The following SEC14L2 variants were observed in gnomAD, a reference collection of about 807,000 sequenced individuals.
The protein encoded by SEC14L2 is SEC14 like lipid binding 2.
A neutral mutation model predicts 56.9 loss-of-function variants in SEC14L2; 50 were observed. The ratio of observed to expected loss-of-function variants is 0.88; its 90% CI spans 0.70 to 1.11. The LOEUF (loss-of-function observed/expected upper bound fraction) is 1.11. Ranked by LOEUF, SEC14L2 falls within the 50% of genes most tolerant of loss-of-function variation. The probability of loss-of-function intolerance (pLI) is 0.00; values close to 1 mark genes in which losing one functional copy is unlikely to be tolerated. For synonymous variants in SEC14L2, 179 were observed against 188.5 expected (o/e 0.95, Z 0.41); for missense variants, 414 against 500.7 (o/e 0.83, Z 1.65).
Position 30,409,228 on chromosome 22 carries a change from C to A in SEC14L2, c.465C>A (p.Cys155Ter). ...AGACCATCACCATAATTTATGACTG[C>A]GAGGGGCTTGGCCTCAAGCATCTCT... ...KVETITIIYDCEGLGLKHLWK... is the reference protein window; with the variant it reads ...KVETITIIYD The change falls in exon 6 of 12, where the codon TGC becomes TGA. Residue 155 changes from cysteine (C) to a stop codon, truncating the protein, a stop_gained. Transcript: ENST00000615189. LOFTEE classifies it high-confidence loss of function. 6.2e-7 allele frequency: 1 copy of A among 1,613,260 alleles called. No individual in the cohort carries two copies. Among genetic ancestry groups the A allele is most frequent in the Non-Finnish European group, 8.5e-7 (1 of 1,179,904 alleles).
intron 9 of SEC14L2, 29 bp downstream of exon 9, chr22:30,415,894 C>CAGGG: frequency 6.2e-7 from 1 of 1,614,176 alleles, no homozygotes; most frequent in Non-Finnish European, 8.5e-7. Flanking sequence ...TAGAGGTGAA[C>CAGGG]AGGGATGCCT....
chr22:30,412,837 A>G (rs1431593374), intron 8 of SEC14L2, among the ~76,000 whole-genome samples: 1 of 129,822 alleles, frequency 7.7e-6, no homozygotes, highest in Non-Finnish European at 1.6e-5. Flanking sequence ...AAAAAAAAAC[A>G]AACAAAAAAA....
rs1354300592 is a variant in SEC14L2, at chr22:30,423,946, A to C, written c.*1539A>C. On this transcript the variant is annotated 3_prime_UTR_variant, in exon 12 of 12. Coordinates refer to ENST00000615189, the MANE Select transcript of SEC14L2 (RefSeq NM_012429.5). ...CCGGACCCAGCAGCCGTTTCACGCCAATAGATAGGGCGCATGCGCAGAAAT... is the reference window on the plus strand; with the variant it reads ...CCGGACCCAGCAGCCGTTTCACGCCCATAGATAGGGCGCATGCGCAGAAAT... The C allele has an allele frequency of 6.6e-6, 1 of 152,174 alleles. No individual in the cohort carries two copies. Among genetic ancestry groups the C allele is most frequent in the Non-Finnish European group, 1.5e-5 (1 of 68,064 alleles). 9.4% of individuals were successfully genotyped at this position (152,174 alleles called of 1,614,324 possible).
chr22:30,402,980 C>T (rs985399833), intron 2 of SEC14L2, among the ~76,000 whole-genome samples: 4 of 151,894 alleles, frequency 2.6e-5, no homozygotes, highest in Non-Finnish European at 4.4e-5. Flanking sequence ...CTCGGTAGGC[C>T]GAGGTGGGAA....
chr22:30,405,477 T>C (rs900401365), intron 2 of SEC14L2, among the ~76,000 whole-genome samples: 2 of 152,158 alleles, frequency 1.3e-5, no homozygotes, highest in Non-Finnish European at 2.9e-5. Context: ...TGGGGCATCA[T>C]GCATAAAGAG....
intron 8 of SEC14L2, 67 bp from the exon 9 acceptor site, chr22:30,415,692 T>C (rs778081534): frequency 6.0e-5 from 85 of 1,417,722 alleles, no homozygotes; most frequent in Non-Finnish European, 7.7e-5. Context: ...TGTAGACCAC[T>C]AGGGTTATGG....
At chr22:30,422,120 T>G (rs1373357329) in intron 11 of SEC14L2, among the ~76,000 whole-genome samples, 157 bp from the exon 12 acceptor site, 1 of 152,204 alleles carries the variant, frequency 6.6e-6, no homozygotes, top group Non-Finnish European at 1.5e-5. Flanking sequence ...CCCGCTAGAT[T>G]AAGTTTCAGA....
chr22:30,406,396 T>C lies in SEC14L2; in HGVS notation c.174+11T>C. 6.2e-7 allele frequency: 1 copy of C among 1,613,954 alleles called. No homozygotes were observed. Among genetic ancestry groups the C allele is most frequent in the Non-Finnish European group, 8.5e-7 (1 of 1,179,844 alleles). On this transcript the variant is annotated intron_variant, in intron 3 of 11. Transcript: ENST00000615189. ...GCCATGCTCCGGAAGGTGAGACACA[T>C]TTGGCTGTTGCTTCAGTTCCTCCCC...
At chr22:30,406,608 T>G (rs1293982297) in intron 3 of SEC14L2, among the ~76,000 whole-genome samples, 1 of 152,202 alleles carries the variant, frequency 6.6e-6, no homozygotes, top group African/African-American at 2.4e-5. Context: ...TGCTAAGACC[T>G]CTAAAACAGG....
In SEC14L2 at chr22:30,405,259, G is replaced by A. The variant is rs73390232; in HGVS notation, c.131-1083G>A. ...TAAGGATGGGCAGCACGATGGTAGG[G>A]GAGATGCAGAGTGAAAGCACAGAAT... On this transcript the variant is annotated intron_variant, in intron 2 of 11. Transcript: ENST00000615189. Among the ~76,000 whole-genome samples, 914 of 152,252 alleles carry A rather than the reference G, an allele frequency of 6.0e-3. 9 individuals are homozygous for A. The highest frequency in any genetic ancestry group is 0.02 in the African/African-American group (847 of 41,544).
chr22:30,416,662 G>C, intron 11 of SEC14L2: 2 of 1,428,274 alleles, frequency 1.4e-6, no homozygotes, highest in Non-Finnish European at 1.8e-6. Context: ...GCGATCACAG[G>C]GGTTCAACAC....
intron 5 of SEC14L2, among the ~76,000 whole-genome samples, chr22:30,408,430 A>G (rs1158017266): frequency 6.6e-6 from 1 of 152,128 alleles, no homozygotes; most frequent in East Asian, 1.9e-4. Context: ...TGTCTCTACA[A>G]AAAAAAGTAA....
intron 8 of SEC14L2, among the ~76,000 whole-genome samples, chr22:30,411,473 C>T (rs1182316313): frequency 6.6e-6 from 1 of 151,984 alleles, no homozygotes; most frequent in Admixed American, 6.6e-5. Flanking sequence ...TGGCTGGGCA[C>T]GGTGGCTCAT....
chr22:30,398,702 G>A (rs1038508549), intron 1 of SEC14L2: 2 of 471,456 alleles, frequency 4.2e-6, no homozygotes, highest in African/African-American at 2.0e-5. Context: ...ATGTTTTATA[G>A]GAAGCCGTGT....
intron 11 of SEC14L2, among the ~76,000 whole-genome samples, chr22:30,418,044 A>G (rs1448286491): frequency 6.6e-6 from 1 of 152,120 alleles, no homozygotes; most frequent in Admixed American, 6.5e-5. Context: ...CCCACAGAGG[A>G]GAAAGCACTT....
rs536357558 is a variant in SEC14L2 at position 30,424,236 on chromosome 22, T to C, written c.*1829T>C. The stretch of plus-strand genomic sequence containing the variant: ...TGAGAGGGAGGCGGAGGAGCAGCGA[T>C]CACGTGGTTTTAGGGACTGTCTAAT... On this transcript the variant is annotated 3_prime_UTR_variant, in exon 12 of 12. Coordinates refer to ENST00000615189, the MANE Select transcript of SEC14L2 (RefSeq NM_012429.5). 1.0e-4 allele frequency: 16 copies of C among 157,694 alleles called. No homozygotes were observed. In the South Asian group the frequency reaches 2.3e-3, roughly 23 times the overall value. 9.8% of individuals were successfully genotyped at this position (157,694 alleles called of 1,614,324 possible). A position where few individuals can be genotyped will look rare whatever the true frequency, so the allele number is the denominator to read the frequency against.
At chr22:30,417,000 C>A in intron 11 of SEC14L2, 1 of 315,004 alleles carries the variant, frequency 3.2e-6, no homozygotes, top group Non-Finnish European at 4.6e-6. Context: ...ATTTATCCTA[C>A]AGAAATACAC....
intron 8 of SEC14L2, among the ~76,000 whole-genome samples, chr22:30,412,820 T>A (rs2047077950): frequency 1.5e-5 from 2 of 131,708 alleles, no homozygotes; most frequent in African/African-American, 2.9e-5. Flanking sequence ...CAAAACCCTG[T>A]CTCAAAAAAA....
In SEC14L2 at chr22:30,415,945, T is replaced by C; in HGVS notation, c.772-3T>C. 1.4e-5 allele frequency: 23 copies of C among 1,614,168 alleles called. No individual in the cohort carries two copies. Among genetic ancestry groups the C allele is most frequent in the Non-Finnish European group, 1.9e-5 (22 of 1,180,016 alleles). ...TCCAGTTCACTCCATGCCATGCTTC[T>C]AGATCAACTACGGGGGTGACATCCC... is the stretch of plus-strand genomic sequence containing the variant. On this transcript the variant is annotated splice_polypyrimidine_tract_variant and splice_region_variant and intron_variant, in intron 9 of 11. Transcript: ENST00000615189.
Sources: allele counts gnomAD v4.1 joint callset (sites outside exome capture counted in the v4.1 genomes callset), GRCh38; gene constraint gnomAD v4.1.1; transcripts MANE v1.5; gene names NCBI Gene and HGNC (gene_info 2026-07-23, HGNC 2026-07-21).